CPED1: variants seen among roughly 807,000 people sequenced by gnomAD.
CPED1 encodes cadherin like and PC-esterase domain containing 1.
A neutral mutation model predicts 128.2 loss-of-function variants in CPED1; 114 were observed. The ratio of observed to expected loss-of-function variants is 0.89; its 90% CI spans 0.76 to 1.04. The LOEUF (loss-of-function observed/expected upper bound fraction) is 1.04. Ranked by LOEUF, CPED1 falls within the 50% of genes least tolerant of loss-of-function variation. The pLI is 0.00. For missense variants in CPED1, 1,211 were observed against 1,207.1 expected, an observed-to-expected ratio of 1.00 and a Z score of -0.05; for synonymous variants, 462 against 426.7, an observed-to-expected ratio of 1.08 and a Z score of -1.02.
intron 16 of CPED1, among the ~76,000 whole-genome samples, chr7:121,159,103 C>T (rs1304851675): frequency 6.6e-6 from 1 of 152,068 alleles, no homozygotes; most frequent in African/African-American, 2.4e-5. Flanking sequence ...GGTTTTCAGA[C>T]TCTCTCCAAA....
intron 16 of CPED1, among the ~76,000 whole-genome samples, chr7:121,192,693 A>G (rs1797170910): frequency 6.6e-6 from 1 of 152,164 alleles, no homozygotes; most frequent in African/African-American, 2.4e-5. Context: ...AAGAGAATAC[A>G]CAAAGAATGA....
Position 121,295,811 on chromosome 7 carries a change from AATG to A in CPED1, c.*162_*164del, listed in dbSNP as rs761065648. The A allele has an allele frequency of 3.0e-4, 171 of 576,518 alleles. No homozygotes were observed. Among genetic ancestry groups the A allele is most frequent in the African/African-American group, 2.4e-3 (128 of 53,474 alleles). The allele number at this position is 576,518 out of a possible 1,614,324, so 35.7% of individuals were successfully genotyped here. A position where few individuals can be genotyped will look rare whatever the true frequency, so the allele number is the denominator to read the frequency against. On this transcript the variant is annotated 3_prime_UTR_variant, in exon 23 of 23. Coordinates refer to ENST00000310396, the MANE Select transcript of CPED1 (RefSeq NM_024913.5). ...CACACCAGTACACACACAGTTAAAT[AATG>A]ATAACACTTCTTACAGCTTTATGAA...
intron 2 of CPED1, among the ~76,000 whole-genome samples, chr7:120,992,389 T>G (rs1414097747): frequency 6.6e-6 from 1 of 152,168 alleles, no homozygotes; most frequent in African/African-American, 2.4e-5. Context: ...TGTATTTAGA[T>G]GTATGAAATG....
chr7:120,995,499 A>C (rs1020717241), intron 2 of CPED1, among the ~76,000 whole-genome samples: 5 of 152,148 alleles, frequency 3.3e-5, no homozygotes, highest in Non-Finnish European at 7.3e-5. Context: ...TGAATGTATC[A>C]GTTTTGCCTA....
At chr7:121,147,134 A>G (rs1038273062) in intron 16 of CPED1, among the ~76,000 whole-genome samples, 1 of 152,122 alleles carries the variant, frequency 6.6e-6, no homozygotes, top group Non-Finnish European at 1.5e-5. Flanking sequence ...CTGTATTTCT[A>G]CTGTCCTATG....
At chr7:121,270,692 G>A (rs35061352) in intron 21 of CPED1, among the ~76,000 whole-genome samples, 24,047 of 151,952 alleles carry the variant, frequency 0.16, 2,269 homozygotes, top group Admixed American at 0.22. Flanking sequence ...GGTTATAGGT[G>A]CGGCTTTTTT....
intron 6 of CPED1, among the ~76,000 whole-genome samples, 175 bp from the exon 7 acceptor site, chr7:121,099,751 T>A (rs181098555): frequency 6.6e-6 from 1 of 152,284 alleles, no homozygotes; most frequent in African/African-American, 2.4e-5. Context: ...GCTGTACCTC[T>A]CCACCACCTG....
At chr7:121,223,891 G>C (rs191029954) in intron 16 of CPED1, among the ~76,000 whole-genome samples, 302 of 148,594 alleles carry the variant, frequency 2.0e-3, no homozygotes, top group Non-Finnish European at 3.6e-3. Flanking sequence ...CAATTTTGTT[G>C]ATCTTTTGAA....
chr7:121,157,975 T>A (rs1796329167), intron 16 of CPED1, among the ~76,000 whole-genome samples: 1 of 152,200 alleles, frequency 6.6e-6, no homozygotes, highest in African/African-American at 2.4e-5. Flanking sequence ...GGCATTGTCT[T>A]GATATCATAA....
intron 16 of CPED1, among the ~76,000 whole-genome samples, chr7:121,185,707 G>A (rs1022375252): frequency 4.3e-4 from 66 of 152,310 alleles, no homozygotes; most frequent in African/African-American, 1.5e-3. Flanking sequence ...ACTACACTCC[G>A]TGAACGTAGG....
chr7:121,029,668 G>A (rs1792680917), intron 3 of CPED1, among the ~76,000 whole-genome samples: 1 of 152,116 alleles, frequency 6.6e-6, no homozygotes, highest in African/African-American at 2.4e-5. Flanking sequence ...AGGTTAATCA[G>A]CAGCAATTTA....
intron 8 of CPED1, among the ~76,000 whole-genome samples, chr7:121,125,477 C>T (rs1476873450): frequency 1.3e-5 from 2 of 152,086 alleles, no homozygotes; most frequent in Non-Finnish European, 2.9e-5. Context: ...CAACCCCCAA[C>T]AGGCCCCAGT....
chr7:121,115,684 T>TTACC (rs1396753302), intron 7 of CPED1, among the ~76,000 whole-genome samples: 2 of 152,190 alleles, frequency 1.3e-5, no homozygotes, highest in Non-Finnish European at 2.9e-5. Flanking sequence ...AGTACAGATA[T>TTACC]TACCGGATTT....
intron 16 of CPED1, among the ~76,000 whole-genome samples, chr7:121,193,260 A>G (rs1399612355): frequency 6.6e-6 from 1 of 152,156 alleles, no homozygotes; most frequent in African/African-American, 2.4e-5. Flanking sequence ...ATGTTTGATG[A>G]AAAAATTAAA....
intron 9 of CPED1, among the ~76,000 whole-genome samples, chr7:121,126,579 G>A (rs1795509172): frequency 6.6e-6 from 1 of 152,028 alleles, no homozygotes; most frequent in Non-Finnish European, 1.5e-5. Flanking sequence ...CTAGAATATA[G>A]CTTTGTATAA....
chr7:121,165,992 G>T (rs1235652753), intron 16 of CPED1, among the ~76,000 whole-genome samples: 1 of 152,190 alleles, frequency 6.6e-6, no homozygotes, highest in Admixed American at 6.5e-5. Context: ...AATGTATGTG[G>T]CTATTTTGAC....
At position 121,142,095 on chromosome 7, in the gene CPED1, C is replaced by T; in HGVS notation, c.2009C>T (p.Pro670Leu). 1 of 1,612,312 alleles carries T rather than the reference C, an allele frequency of 6.2e-7. No homozygotes were observed. The highest frequency in any genetic ancestry group is 8.5e-7 in the Non-Finnish European group (1 of 1,178,756). The change falls in exon 16 of 23, where the codon CCA becomes CTA. Residue 670 changes from proline (P) to leucine (L), a missense_variant. Coordinates refer to ENST00000310396, the MANE Select transcript of CPED1 (RefSeq NM_024913.5). The stretch of plus-strand genomic sequence containing the variant: ...CTCACCATCTATAGAGAAGACCGCC[C>T]AAGTCTGCCCTTGTTTGAGGCCTTC... ...YKLTIYREDRPSLPLFEAFTA... is the reference protein window; with the variant it reads ...YKLTIYREDRLSLPLFEAFTA...
intron 5 of CPED1, among the ~76,000 whole-genome samples, chr7:121,095,817 A>ATGTC: frequency 6.6e-6 from 1 of 152,264 alleles, no homozygotes; most frequent in East Asian, 1.9e-4. Flanking sequence ...AAAACTTAAT[A>ATGTC]TGTCTAGCTT....
intron 18 of CPED1, 32 bp downstream of exon 18, chr7:121,244,370 A>G (rs1468928220): frequency 1.2e-6 from 2 of 1,612,548 alleles, no homozygotes; most frequent in Non-Finnish European, 1.7e-6. Flanking sequence ...GGAAGCCTTT[A>G]ATGTATGCCA....
Sources: allele counts gnomAD v4.1 joint callset (sites outside exome capture counted in the v4.1 genomes callset), GRCh38; gene constraint gnomAD v4.1.1; transcripts MANE v1.5; gene names NCBI Gene and HGNC (gene_info 2026-07-23, HGNC 2026-07-21).